The following ALK variants were observed in gnomAD, a reference collection of about 807,000 sequenced individuals.
ALK encodes ALK receptor tyrosine kinase.
Under a neutral mutation model 163.1 loss-of-function variants are expected in ALK, and 74 were observed. That is an observed-to-expected ratio of 0.45 (90% CI 0.38 to 0.55). The LOEUF is 0.55. Among genes scored for constraint, ALK ranks in the 20% least tolerant of loss-of-function variants. ALK has a pLI of 0.00. For missense variants in ALK, 2,063 were observed against 2,105.3 expected, an observed-to-expected ratio of 0.98 and a Z score of 0.39; for synonymous variants, 960 against 843.2, an observed-to-expected ratio of 1.14 and a Z score of -2.40.
intron 11 of ALK, among the ~76,000 whole-genome samples, chr2:29,268,956 A>G (rs1486247099): frequency 6.6e-6 from 1 of 152,238 alleles, no homozygotes; most frequent in African/African-American, 2.4e-5. Context: ...TGATCCTTGC[A>G]TCAAACCTAA....
chr2:29,621,737 C>CT (rs1414975676), intron 3 of ALK, among the ~76,000 whole-genome samples: 1 of 152,220 alleles, frequency 6.6e-6, no homozygotes, highest in Non-Finnish European at 1.5e-5. Flanking sequence ...GAAAGAATAT[C>CT]TATCCTCCAG....
chr2:29,511,162 G>A (rs1315300873), intron 4 of ALK, among the ~76,000 whole-genome samples: 1 of 152,038 alleles, frequency 6.6e-6, no homozygotes, highest in Non-Finnish European at 1.5e-5. Flanking sequence ...CATTTAAAGT[G>A]TACAGGTTGA....
At chr2:29,531,882 T>C in intron 4 of ALK, 33 bp downstream of exon 4, 1 of 1,611,974 alleles carries the variant, frequency 6.2e-7, no homozygotes, top group Non-Finnish European at 8.5e-7. Flanking sequence ...TCACCTGGTA[T>C]AAAATCAATT....
intron 1 of ALK, among the ~76,000 whole-genome samples, chr2:29,885,491 C>T (rs975101054): frequency 6.6e-6 from 1 of 151,790 alleles, no homozygotes; most frequent in Admixed American, 6.6e-5. Context: ...GAAAACCATG[C>T]CCAGGTTTTG....
At chr2:29,845,424 C>A (rs1443750325) in intron 1 of ALK, among the ~76,000 whole-genome samples, 1 of 122,804 alleles carries the variant, frequency 8.1e-6, no homozygotes, top group South Asian at 3.2e-4. Context: ...GCAAGGCTTC[C>A]TCAACCTTTA....
At chr2:29,357,220 A>G (rs538025833) in intron 5 of ALK, among the ~76,000 whole-genome samples, 1 of 152,330 alleles carries the variant, frequency 6.6e-6, no homozygotes, top group Non-Finnish European at 1.5e-5. Flanking sequence ...TTGGTCCTTC[A>G]CTAGGACTAA....
At chr2:29,903,404 A>C (rs1667465197) in intron 1 of ALK, among the ~76,000 whole-genome samples, 1 of 152,168 alleles carries the variant, frequency 6.6e-6, no homozygotes, top group Non-Finnish European at 1.5e-5. Flanking sequence ...TGATTCAGCA[A>C]ATATTTACTG....
intron 27 of ALK, among the ~76,000 whole-genome samples, chr2:29,197,121 A>G (rs1161289897): frequency 6.6e-6 from 1 of 152,214 alleles, no homozygotes; most frequent in Non-Finnish European, 1.5e-5. Context: ...TGGGGACAGA[A>G]TATTCCAATT....
rs147673934 is a variant in ALK, at chr2:29,460,336, T to C, written c.1154+71579A>G. On this transcript the variant is annotated intron_variant, in intron 4 of 28. Transcript: ENST00000389048. ...TACAAAGAATGCAATACTTGATCAT[T>C]GTTCTAAGCACATTTGTTACCCAGC... 1.1e-4 allele frequency among the ~76,000 whole-genome samples: 17 copies of C among 152,330 alleles called. 1 individual carries two copies. Among genetic ancestry groups the C allele is most frequent in the African/African-American group, 4.1e-4 (17 of 41,584 alleles).
chr2:29,593,440 G>A (rs1675118253), intron 3 of ALK, among the ~76,000 whole-genome samples: 1 of 152,202 alleles, frequency 6.6e-6, no homozygotes, highest in Admixed American at 6.5e-5. Context: ...ATCACTACCT[G>A]ACACTGCCTT....
chr2:29,385,675 G>C (rs776281200), intron 4 of ALK, among the ~76,000 whole-genome samples: 9 of 152,178 alleles, frequency 5.9e-5, no homozygotes, highest in Non-Finnish European at 1.3e-4. Flanking sequence ...GCAGGTGTGA[G>C]CCACTGCATC....
At chr2:29,217,011 CGTGAGT>C (rs1250012420) in intron 23 of ALK, among the ~76,000 whole-genome samples, 4 of 103,632 alleles carry the variant, frequency 3.9e-5, no homozygotes, top group African/African-American at 1.6e-4. Flanking sequence ...GTGGTGTGTG[CGTGAGT>C]GTATGTGGTA....
intron 3 of ALK, among the ~76,000 whole-genome samples, chr2:29,668,541 T>C (rs1045075914): frequency 6.6e-6 from 1 of 152,164 alleles, no homozygotes; most frequent in Non-Finnish European, 1.5e-5. Flanking sequence ...TTGTTTAATT[T>C]CTGTGTCTGT....
In ALK at chr2:29,193,299, A is replaced by G. The variant is rs1350910444; in HGVS notation, c.4788T>C (p.Ala1596=). Residue 1596 remains alanine, a synonymous_variant, in exon 29 of 29, where the codon GCT becomes GCC. Coordinates refer to ENST00000389048, the MANE Select transcript of ALK (RefSeq NM_004304.5). ...YQQQGLPLEA[A]TAPGAGHYED... ...CGTAATGACCAGCTCCAGGGGCAGT[A>G]GCGGCTTCTAAGGGCAAGCCCTGTT... is the stretch of plus-strand genomic sequence containing the variant. 1 of 1,614,160 alleles carries G rather than the reference A, an allele frequency of 6.2e-7. No individual in the cohort carries two copies.
chr2:29,362,521 G>T (rs183847828), intron 5 of ALK, among the ~76,000 whole-genome samples: 66 of 152,334 alleles, frequency 4.3e-4, no homozygotes, highest in African/African-American at 1.5e-3. Context: ...TGCTCCTGGG[G>T]AGAGGGAAGG....
chr2:29,324,262 T>C (rs893231966), intron 6 of ALK, among the ~76,000 whole-genome samples: 1 of 152,226 alleles, frequency 6.6e-6, no homozygotes, highest in African/African-American at 2.4e-5. Context: ...CTGTGGGAGC[T>C]GCCAAGTATA....
chr2:29,510,293 C>G (rs1316531725), intron 4 of ALK, among the ~76,000 whole-genome samples: 1 of 152,138 alleles, frequency 6.6e-6, no homozygotes, highest in Non-Finnish European at 1.5e-5. Context: ...TTAAGAGTCC[C>G]TGATGGCAGG....
rs776865158 is a variant in ALK, at chr2:29,903,562, T to G, written c.667+16431A>C. ...AGTAGGTAGATATTTATTTATCAGT[T>G]GGTCTATCAATCAATTGATTGATTG... On this transcript the variant is annotated intron_variant, in intron 1 of 28. Coordinates refer to ENST00000389048, the MANE Select transcript of ALK (RefSeq NM_004304.5). Among the ~76,000 whole-genome samples the G allele has an allele frequency of 9.4e-4, 143 of 152,116 alleles. 1 individual carries two copies. Among genetic ancestry groups the G allele is most frequent in the Non-Finnish European group, 1.9e-4 (13 of 68,010 alleles).
chr2:29,402,618 T>C (rs1031266913), intron 4 of ALK, among the ~76,000 whole-genome samples: 1 of 152,244 alleles, frequency 6.6e-6, no homozygotes, highest in Admixed American at 6.5e-5. Context: ...GATATGGTCA[T>C]TCTCTTCTGG....
Sources: gnomAD v4.1 joint callset for allele counts (sites outside exome capture counted in the v4.1 genomes callset) on GRCh38, gnomAD v4.1.1 for gene constraint, MANE v1.5 for transcripts, NCBI Gene and HGNC (gene_info 2026-07-23, HGNC 2026-07-21) for gene names.